The following NDST3 variants were observed in gnomAD, a reference collection of about 807,000 sequenced individuals.
NDST3 encodes the protein N-deacetylase and N-sulfotransferase 3.
In NDST3, 58 loss-of-function variants were observed where a neutral mutation model predicts 96.1. That is an observed-to-expected ratio of 0.60 (90% CI 0.49 to 0.75). NDST3 has a LOEUF of 0.75. Among genes scored for constraint, NDST3 ranks in the 30% least tolerant of loss-of-function variants. The pLI is 0.00. For synonymous variants in NDST3, 333 were observed against 359.7 expected (o/e 0.93, Z 0.84); for missense variants, 788 against 1,034.2 (o/e 0.76, Z 3.27).
chr4:118,111,858 C>T (rs540625446), intron 3 of NDST3, among the ~76,000 whole-genome samples: 1 of 150,936 alleles, frequency 6.6e-6, no homozygotes, highest in South Asian at 2.1e-4. Flanking sequence ...CAGGAAAGGA[C>T]AACAAATGCC....
rs140080488 is a variant in NDST3 at position 118,117,177 on chromosome 4, T to A, written c.1224+2217T>A. Among the ~76,000 whole-genome samples, 21 of 152,276 alleles carry A rather than the reference T, an allele frequency of 1.4e-4. 1 individual carries two copies. Among genetic ancestry groups the A allele is most frequent in the Non-Finnish European group, 2.8e-4 (19 of 68,026 alleles). ...TCCAGGACAAGTAGAATTTATTTTGTTGCAAGAGGATAGATATGAAAAAAG... is the reference window on the plus strand; with the variant it reads ...TCCAGGACAAGTAGAATTTATTTTGATGCAAGAGGATAGATATGAAAAAAG... On this transcript the variant is annotated intron_variant, in intron 4 of 13. Coordinates refer to ENST00000296499, the MANE Select transcript of NDST3 (RefSeq NM_004784.3).
chr4:118,085,259 T>C (rs1411373523), intron 2 of NDST3, among the ~76,000 whole-genome samples: 1 of 152,168 alleles, frequency 6.6e-6, no homozygotes, highest in African/African-American at 2.4e-5. Flanking sequence ...AAAAGTCTTC[T>C]GAAATGCTTC....
rs1578794659 is a variant in NDST3 at position 118,193,572 on chromosome 4, G to A, written c.1540-30919G>A. ...GCGTAGAGCGTCTTCTCCCAGGCAA[G>A]CTGCCTGCAGATCTGCTGCTGGCAC... On this transcript the variant is annotated intron_variant, in intron 6 of 13. Coordinates refer to ENST00000296499, the MANE Select transcript of NDST3 (RefSeq NM_004784.3). 2.7e-6 allele frequency: 3 copies of A among 1,109,272 alleles called. No homozygotes were observed. The East Asian group carries it at 7.1e-5, about 26-fold the overall frequency. 68.7% of individuals were successfully genotyped at this position (1,109,272 alleles called of 1,614,324 possible).
At chr4:118,229,446 G>C (rs1578846313) in intron 8 of NDST3, among the ~76,000 whole-genome samples, 1 of 152,180 alleles carries the variant, frequency 6.6e-6, no homozygotes, top group African/African-American at 2.4e-5. Context: ...TTATGTAGTT[G>C]AGTTACCACT....
chr4:118,185,547 A>G (rs1184458441), intron 6 of NDST3, among the ~76,000 whole-genome samples: 1 of 151,994 alleles, frequency 6.6e-6, no homozygotes, highest in East Asian at 1.9e-4. Context: ...AATTAAATTT[A>G]ACAGTTTAAT....
intron 6 of NDST3, among the ~76,000 whole-genome samples, chr4:118,195,670 T>A (rs72915092): frequency 0.016 from 2,489 of 152,364 alleles, 39 homozygotes; most frequent in Middle Eastern, 0.088. Flanking sequence ...ACTATTAGCA[T>A]ATACAAATGC....
chr4:118,156,003 C>G (rs1192062762), intron 6 of NDST3, among the ~76,000 whole-genome samples: 2 of 152,070 alleles, frequency 1.3e-5, no homozygotes, highest in Non-Finnish European at 2.9e-5. Context: ...ATTTTAATTC[C>G]TACATACTAA....
intron 6 of NDST3, among the ~76,000 whole-genome samples, chr4:118,170,754 G>A (rs1265435474): frequency 2.0e-5 from 3 of 152,194 alleles, no homozygotes; most frequent in South Asian, 4.1e-4. Flanking sequence ...GAAAAAATAA[G>A]TGTGGTGAAC....
chr4:118,255,578 C>G lies in NDST3; in HGVS notation c.2503-15C>G, dbSNP rs748773976. The G allele has an allele frequency of 6.3e-7, 1 of 1,594,818 alleles. No individual in the cohort carries two copies. Among genetic ancestry groups the G allele is most frequent in the Non-Finnish European group, 8.5e-7 (1 of 1,170,454 alleles). On this transcript the variant is annotated splice_polypyrimidine_tract_variant and intron_variant, in intron 13 of 13. Transcript: ENST00000296499. ...ACAAAATAAAATGTACTTTTCTCTC[C>G]TCCTCTCCACTTAGAGCAGGACATT...
intron 6 of NDST3, among the ~76,000 whole-genome samples, chr4:118,161,456 C>T (rs1735122260): frequency 6.6e-6 from 1 of 152,196 alleles, no homozygotes; most frequent in Non-Finnish European, 1.5e-5. Flanking sequence ...TTTTGTTTGT[C>T]TGTGCCCTGC....
At chr4:118,220,589 C>T (rs11930782) in intron 6 of NDST3, among the ~76,000 whole-genome samples, 25,773 of 151,852 alleles carry the variant, frequency 0.17, 2,342 homozygotes, top group South Asian at 0.23. Context: ...ACGTTCTGCA[C>T]TTGTATCCCG....
intron 6 of NDST3, among the ~76,000 whole-genome samples, chr4:118,161,499 C>T (rs139486911): frequency 0.061 from 9,317 of 152,266 alleles, 384 homozygotes; most frequent in Non-Finnish European, 0.093. Context: ...GGCAAGCAGG[C>T]CTCCTTGAGC....
intron 6 of NDST3, among the ~76,000 whole-genome samples, chr4:118,209,126 T>C (rs1467814183): frequency 2.0e-5 from 3 of 152,194 alleles, no homozygotes; most frequent in African/African-American, 7.2e-5. Context: ...TCTTCCTATA[T>C]CTATTATATT....
chr4:118,088,694 C>T (rs1728628543), intron 2 of NDST3, among the ~76,000 whole-genome samples: 1 of 151,980 alleles, frequency 6.6e-6, no homozygotes, highest in African/African-American at 2.4e-5. Flanking sequence ...CAATAAGACT[C>T]GTTTTCATGA....
intron 2 of NDST3, among the ~76,000 whole-genome samples, chr4:118,088,742 G>A (rs538022348): frequency 1.7e-3 from 264 of 152,072 alleles, no homozygotes; most frequent in African/African-American, 6.0e-3. Flanking sequence ...GCCAGTGTGC[G>A]TATTTTCATC....
chr4:118,212,657 C>A (rs185715462), intron 6 of NDST3, among the ~76,000 whole-genome samples: 1 of 152,106 alleles, frequency 6.6e-6, no homozygotes, highest in Non-Finnish European at 1.5e-5. Context: ...CAATCCTACA[C>A]CTTTAAAGTC....
At chr4:118,209,392 A>G (rs570104450) in intron 6 of NDST3, among the ~76,000 whole-genome samples, 19 of 152,352 alleles carry the variant, frequency 1.2e-4, no homozygotes, top group African/African-American at 4.6e-4. Context: ...TAATACAGAA[A>G]GAACATTAGA....
chr4:118,160,699 G>A (rs943605005), intron 6 of NDST3, among the ~76,000 whole-genome samples: 36 of 152,136 alleles, frequency 2.4e-4, no homozygotes, highest in Admixed American at 3.9e-4. Context: ...CGTAGTTCTC[G>A]AGCCTTGGCT....
At chr4:118,087,601 AT>A (rs1287282664) in intron 2 of NDST3, among the ~76,000 whole-genome samples, 1 of 152,118 alleles carries the variant, frequency 6.6e-6, no homozygotes, top group Non-Finnish European at 1.5e-5. Context: ...TAGAATTGAA[AT>A]TTTGGCTGCC....
Sources: gnomAD v4.1 joint callset for allele counts (sites outside exome capture counted in the v4.1 genomes callset) on GRCh38, gnomAD v4.1.1 for gene constraint, MANE v1.5 for transcripts, NCBI Gene and HGNC (gene_info 2026-07-23, HGNC 2026-07-21) for gene names.